Variants in ZNF708 observed in about 807,000 individuals in gnomAD.
ZNF708 encodes the protein ZNF15, ZNF15L1.
ZNF708 carries 44 observed loss-of-function variants against 47.0 expected under a neutral mutation model. The ratio of observed to expected loss-of-function variants is 0.94; its 90% CI spans 0.74 to 1.20. ZNF708 has a LOEUF of 1.20. Among genes scored for constraint, ZNF708 ranks in the 50% most tolerant of loss-of-function variants. The probability of loss-of-function intolerance (pLI) is 0.00; values close to 1 mark genes in which losing one functional copy is unlikely to be tolerated. For synonymous variants in ZNF708, 184 were observed against 218.5 expected, an observed-to-expected ratio of 0.84 and a Z score of 1.39; for missense variants, 557 against 656.0, an observed-to-expected ratio of 0.85 and a Z score of 1.65.
chr19:21,312,317 G>A (rs1463765658), intron 1 of ZNF708, among the ~76,000 whole-genome samples: 1 of 151,182 alleles, frequency 6.6e-6, no homozygotes, highest in Non-Finnish European at 1.5e-5. Flanking sequence ...ACAAAAATTA[G>A]TCAGGCACGG....
chr19:21,310,917 A>G (rs553191127), intron 1 of ZNF708, among the ~76,000 whole-genome samples: 1 of 152,328 alleles, frequency 6.6e-6, no homozygotes, highest in South Asian at 2.1e-4. Flanking sequence ...TTTTATTGCT[A>G]TATATACATC....
intron 1 of ZNF708, among the ~76,000 whole-genome samples, chr19:21,322,824 AT>A (rs1973179687): frequency 6.6e-6 from 1 of 152,116 alleles, no homozygotes; most frequent in African/African-American, 2.4e-5. Flanking sequence ...ATTGTCTAAC[AT>A]TTTATTTCTG....
chr19:21,296,653 C>T (rs1240090678), intron 3 of ZNF708, among the ~76,000 whole-genome samples: 1 of 152,066 alleles, frequency 6.6e-6, no homozygotes, highest in Non-Finnish European at 1.5e-5. Flanking sequence ...CTGAAAATAA[C>T]ATGATGCAGG....
chr19:21,297,527 C>G (rs1972564995), intron 3 of ZNF708, among the ~76,000 whole-genome samples: 1 of 125,324 alleles, frequency 8.0e-6, no homozygotes, highest in Non-Finnish European at 1.8e-5. Context: ...ATACAAAAAC[C>G]AAAGGACACA....
At position 21,293,544 on chromosome 19, in the gene ZNF708, T is replaced by C. The variant is rs751886958; in HGVS notation, c.1422A>G (p.Lys474=). The C allele has an allele frequency of 6.2e-7, 1 of 1,613,162 alleles. No individual in the cohort carries two copies. The highest frequency in any genetic ancestry group is 8.5e-7 in the Non-Finnish European group (1 of 1,179,732). Residue 474 remains lysine, a synonymous_variant, in exon 4 of 4, where the codon AAA becomes AAG. Transcript: ENST00000356929. The stretch of plus-strand genomic sequence containing the variant: ...TGCCACATTCTTCACACTTATAGGG[T>C]TTCTCTCCAGTATGAATTTTTTTAT... The part of the protein sequence containing the change: ...TNHKKIHTGE[K]PYKCEECGKS...
chr19:21,293,276 A>G lies in ZNF708; in HGVS notation c.1690T>C (p.Ter564GlnextTer27). The change falls in exon 4 of 4, where the codon TAA becomes CAA. Residue 564 changes from the stop codon to glutamine (Q), a stop_lost. Coordinates refer to ENST00000356929, the MANE Select transcript of ZNF708 (RefSeq NM_021269.3). ...AATACACTAAAGGATTTGACACATT[A>G]TTTACATTTGTAGGGTTTCTCTTTG... ...HTKEKPYKCK* is the reference protein window; with the variant it reads ...HTKEKPYKCKQ 1 of 1,598,824 alleles carries G rather than the reference A, an allele frequency of 6.3e-7. No homozygotes were observed. The highest frequency in any genetic ancestry group is 8.5e-7 in the Non-Finnish European group (1 of 1,174,680).
chr19:21,307,570 C>T (rs576573720), intron 3 of ZNF708, among the ~76,000 whole-genome samples: 8 of 151,780 alleles, frequency 5.3e-5, no homozygotes, highest in African/African-American at 1.5e-4. Flanking sequence ...TGCAGTGAGC[C>T]GAGATCACAT....
intron 1 of ZNF708, chr19:21,318,351 A>G (rs1295242066): frequency 6.6e-6 from 1 of 152,238 alleles, no homozygotes; most frequent in Non-Finnish European, 1.5e-5. Context: ...TGTCAACACC[A>G]AGGGATAGCA....
At position 21,316,719 on chromosome 19, in the gene ZNF708, C is replaced by A. The variant is rs377524607; in HGVS notation, c.4-6092G>T. Among the ~76,000 whole-genome samples the A allele has an allele frequency of 4.3e-4, 65 of 151,734 alleles. No homozygotes were observed. The East Asian group carries it at 0.012, about 28-fold the overall frequency. On this transcript the variant is annotated intron_variant, in intron 1 of 3. Transcript: ENST00000356929. ...CCTGTAATCCCAACACTTTGGGAGG[C>A]TGAGATGGGTGGATCATGAGGTCAG... is the stretch of plus-strand genomic sequence containing the variant.
chr19:21,293,721 A>G lies in ZNF708; in HGVS notation c.1245T>C (p.Thr415=). 1 of 1,613,438 alleles carries G rather than the reference A, an allele frequency of 6.2e-7. No homozygotes were observed. The highest frequency in any genetic ancestry group is 8.5e-7 in the Non-Finnish European group (1 of 1,179,778). Residue 415 remains threonine (T), a synonymous_variant, in exon 4 of 4, where the codon ACT becomes ACC. Transcript: ENST00000356929. ...STLTYHKVIH[T]GKKPYKCEEC... ...CTTCACATTTGTAGGGTTTCTTTCC[A>G]GTATGAATTACCTTATGATAAGTAA...
intron 3 of ZNF708, among the ~76,000 whole-genome samples, chr19:21,308,792 T>G (rs1289784284): frequency 6.6e-6 from 1 of 152,064 alleles, no homozygotes; most frequent in Non-Finnish European, 1.5e-5. Context: ...AATTTCAAAC[T>G]ATATTTCAAG....
intron 1 of ZNF708, among the ~76,000 whole-genome samples, chr19:21,321,765 A>G (rs1046332719): frequency 4.0e-5 from 6 of 151,182 alleles, no homozygotes; most frequent in African/African-American, 1.2e-4. Flanking sequence ...TTAGAAAAAA[A>G]TACCTATTTG....
chr19:21,308,188 G>A (rs1972824596), intron 3 of ZNF708, among the ~76,000 whole-genome samples: 1 of 151,404 alleles, frequency 6.6e-6, no homozygotes, highest in African/African-American at 2.4e-5. Flanking sequence ...GTGAGCTATA[G>A]ATTCAAGAAA....
At chr19:21,325,503 G>GTA (rs1568356510) in intron 1 of ZNF708, among the ~76,000 whole-genome samples, 1 of 152,130 alleles carries the variant, frequency 6.6e-6, no homozygotes, top group Non-Finnish European at 1.5e-5. Context: ...TGGGATAATT[G>GTA]GCTAGCCATA....
rs753072122 is a variant in ZNF708, at chr19:21,294,435, A to G, written c.531T>C (p.Phe177=). 6.2e-7 allele frequency: 1 copy of G among 1,614,174 alleles called. No individual in the cohort carries two copies. The highest frequency in any genetic ancestry group is 8.5e-7 in the Non-Finnish European group (1 of 1,180,004). The change falls in exon 4 of 4, where the codon TTT becomes TTC. Residue 177 remains phenylalanine (F), a synonymous_variant. Coordinates refer to ENST00000356929, the MANE Select transcript of ZNF708 (RefSeq NM_021269.3). The stretch of plus-strand genomic sequence containing the variant: ...GTTGAGTTAGTTGTGAAAGCATGCA[A>G]AATGATTTGCCACATTCTTTACATT... ...PFKCKECGKS[F]CMLSQLTQHE... is the part of the protein sequence containing the mutation.
At chr19:21,307,266 C>T (rs1972802755) in intron 3 of ZNF708, among the ~76,000 whole-genome samples, 1 of 152,000 alleles carries the variant, frequency 6.6e-6, no homozygotes, top group Non-Finnish European at 1.5e-5. Context: ...AAACTGCAGG[C>T]TTGAGACCAA....
At position 21,307,034 on chromosome 19, in the gene ZNF708, CATAAAATAAA is replaced by C. The variant is rs373290585; in HGVS notation, c.226+2202_226+2211del. 2.4e-3 allele frequency: 271 copies of C among 113,424 alleles called. 1 individual carries two copies. Among genetic ancestry groups the C allele is most frequent in the African/African-American group, 8.5e-3 (251 of 29,672 alleles). 7.0% of individuals were successfully genotyped at this position (113,424 alleles called of 1,614,324 possible). A position where few individuals can be genotyped will look rare whatever the true frequency, so the allele number is the denominator to read the frequency against. On this transcript the variant is annotated intron_variant, in intron 3 of 3. Transcript: ENST00000356929. The stretch of plus-strand genomic sequence containing the variant: ...ATAAAACATAACATAACATAACATA[CATAAAATAAA>C]ATAAAATAAAATATAAAATAAAATA...
At position 21,293,441 on chromosome 19, in the gene ZNF708, A is replaced by G. The variant is rs1331120605; in HGVS notation, c.1525T>C (p.Cys509Arg). ...TGEKPYKCKE[C>R]GKAFNQSSTL... Reference sequence around the variant, plus strand: ...GAGGACTGGTTAAAAGCTTTGCCACATTCTTTACATTTGTAGGGTTTCTCT... The same window carrying G: ...GAGGACTGGTTAAAAGCTTTGCCACGTTCTTTACATTTGTAGGGTTTCTCT... The change falls in exon 4 of 4, where the codon TGT becomes CGT. Residue 509 changes from cysteine to arginine, a missense_variant. Cys to Arg is a radical substitution (Grantham distance 180). Transcript: ENST00000356929. The G allele has an allele frequency of 6.2e-7, 1 of 1,613,502 alleles. No homozygotes were observed. Among genetic ancestry groups the G allele is most frequent in the Non-Finnish European group, 8.5e-7 (1 of 1,179,840 alleles).
chr19:21,300,505 T>G (rs1489716209), intron 3 of ZNF708, among the ~76,000 whole-genome samples: 1 of 110,526 alleles, frequency 9.0e-6, no homozygotes, highest in South Asian at 2.9e-4. Flanking sequence ...AAACTCTGTC[T>G]AAAAAAAAAA....
Sources: gnomAD v4.1 joint callset for allele counts (sites outside exome capture counted in the v4.1 genomes callset) on GRCh38, gnomAD v4.1.1 for gene constraint, MANE v1.5 for transcripts, NCBI Gene and HGNC (gene_info 2026-07-23, HGNC 2026-07-21) for gene names.